SORBS2: variants seen among roughly 807,000 people sequenced by gnomAD.
SORBS2 encodes the protein sorbin and SH3 domain-containing protein 2.
SORBS2 carries 46 observed loss-of-function variants against 97.7 expected under a neutral mutation model. That is an observed-to-expected ratio of 0.47 (90% CI 0.37 to 0.60). The LOEUF is 0.60. Among genes scored for constraint, SORBS2 ranks in the 20% least tolerant of loss-of-function variants. SORBS2 has a pLI of 0.00. For missense variants in SORBS2, 1,316 were observed against 1,282.3 expected (o/e 1.03, Z -0.40); for synonymous variants, 476 against 473.4 (o/e 1.01, Z -0.07).
Position 185,806,434 on chromosome 4 carries a change from C to CTGTTTTTTTTTTTTTTT in SORBS2, c.-337-31069_-337-31068insAAAAAAAAAAAAAAACA, listed in dbSNP as rs2099153884. On this transcript the variant is annotated intron_variant, in intron 1 of 20. Transcript: ENST00000284776. ...AGTGGCACAGCTCTTGGCTAGAATC[C>CTGTTTTTTTTTTTTTTT]TATTTTTTTTTTTTTTTTTTTTTTT... is the stretch of plus-strand genomic sequence containing the variant. 7.4e-5 allele frequency among the ~76,000 whole-genome samples: 8 copies of CTGTTTTTTTTTTTTTTT among 108,150 alleles called. 4 individuals carry two copies. Among genetic ancestry groups the CTGTTTTTTTTTTTTTTT allele is most frequent in the African/African-American group, 2.9e-4 (8 of 27,296 alleles). The allele number at this position is 108,150 out of a possible 152,430, so 71.0% of individuals were successfully genotyped here.
chr4:185,794,081 GA>G (rs200897376), intron 1 of SORBS2, among the ~76,000 whole-genome samples: 9 of 150,742 alleles, frequency 6.0e-5, no homozygotes, highest in Non-Finnish European at 1.0e-4. Flanking sequence ...TTTTTTAAAA[GA>G]AAAAAAAATA....
chr4:185,708,854 A>G (rs895904410), intron 2 of SORBS2, among the ~76,000 whole-genome samples: 1 of 152,200 alleles, frequency 6.6e-6, no homozygotes, highest in African/African-American at 2.4e-5. Context: ...AGAGAGTTTC[A>G]TGTTATTTTT....
intron 1 of SORBS2, among the ~76,000 whole-genome samples, chr4:185,837,725 A>C (rs1002541969): frequency 2.0e-5 from 3 of 152,120 alleles, no homozygotes; most frequent in African/African-American, 7.2e-5. Context: ...TATAATCTCT[A>C]TGTAGTTAAT....
At chr4:185,817,425 A>G (rs2099193902) in intron 1 of SORBS2, among the ~76,000 whole-genome samples, 1 of 152,202 alleles carries the variant, frequency 6.6e-6, no homozygotes, top group Non-Finnish European at 1.5e-5. Flanking sequence ...TAAGCTTAAA[A>G]AGCGACCTGG....
intron 1 of SORBS2, among the ~76,000 whole-genome samples, chr4:185,856,918 C>T (rs138130535): frequency 8.5e-5 from 13 of 152,292 alleles, no homozygotes; most frequent in African/African-American, 3.1e-4. Context: ...AAATCATCAG[C>T]TCTCATGAGA....
chr4:185,762,980 G>A (rs1032071801), intron 2 of SORBS2, among the ~76,000 whole-genome samples: 1 of 152,160 alleles, frequency 6.6e-6, no homozygotes, highest in Admixed American at 6.5e-5. Context: ...CCTGAGGTCA[G>A]GAGTTCGAGA....
rs1491274632 is a variant in SORBS2, at chr4:185,731,831, T to TC, written c.-198+43395_-198+43396insG. 4.8e-5 allele frequency among the ~76,000 whole-genome samples: 3 copies of TC among 62,790 alleles called. 1 individual carries two copies. Among genetic ancestry groups the TC allele is most frequent in the East Asian group, 1.1e-3 (2 of 1,896 alleles). 41.2% of individuals were successfully genotyped at this position (62,790 alleles called of 152,430 possible). A position where few individuals can be genotyped will look rare whatever the true frequency, so the allele number is the denominator to read the frequency against. On this transcript the variant is annotated intron_variant, in intron 2 of 20. Coordinates refer to the SORBS2 transcript ENST00000284776. Reference sequence around the variant, plus strand: ...CCCTCCCTCCCTGCCTGTCTCTCTCTTTCTCTCTCTCTCTCTCTCTCTCTC... The same window carrying TC: ...CCCTCCCTCCCTGCCTGTCTCTCTCTCTTCTCTCTCTCTCTCTCTCTCTCTC...
intron 2 of SORBS2, 73 bp from the exon 3 acceptor site, chr4:185,734,227 G>C (rs1015594804): frequency 6.6e-6 from 1 of 152,536 alleles, no homozygotes; most frequent in African/African-American, 2.4e-5. Flanking sequence ...CAAAACAGCG[G>C]CGAGATCAAA....
intron 1 of SORBS2, among the ~76,000 whole-genome samples, chr4:185,841,562 C>T (rs569407872): frequency 4.6e-5 from 7 of 152,206 alleles, no homozygotes; most frequent in Middle Eastern, 3.4e-3. Flanking sequence ...AAGAAAGATG[C>T]GGAAGACAGA....
rs56085844 is a variant in SORBS2 at position 185,809,129 on chromosome 4, C to A, written c.-337-33763G>T. 1.7e-3 allele frequency among the ~76,000 whole-genome samples: 252 copies of A among 152,134 alleles called. 12 individuals are homozygous for A. Among genetic ancestry groups the A allele is most frequent in the Non-Finnish European group, 4.9e-4 (33 of 68,006 alleles). Reference sequence around the variant, plus strand: ...TTGATAAAAGGCAGTATTAGGACTTCTATTTCTAGGTCAAGTCTATATTTA... The same window carrying A: ...TTGATAAAAGGCAGTATTAGGACTTATATTTCTAGGTCAAGTCTATATTTA... On this transcript the variant is annotated intron_variant, in intron 1 of 20. Coordinates refer to the SORBS2 transcript ENST00000284776.
chr4:185,952,499 C>G (rs1258777553), intron 1 of SORBS2, among the ~76,000 whole-genome samples: 2 of 152,218 alleles, frequency 1.3e-5, no homozygotes, highest in Admixed American at 1.3e-4. Context: ...GCATGGAATC[C>G]TCTCTAGATT....
intron 2 of SORBS2, among the ~76,000 whole-genome samples, chr4:185,750,854 T>C (rs1171398736): frequency 6.6e-6 from 1 of 152,104 alleles, no homozygotes; most frequent in African/African-American, 2.4e-5. Flanking sequence ...GAACCCTTAT[T>C]TCTTCCCCCT....
chr4:185,875,078 C>T (rs1439881791), intron 1 of SORBS2, among the ~76,000 whole-genome samples: 2 of 151,960 alleles, frequency 1.3e-5, no homozygotes, highest in African/African-American at 4.8e-5. Flanking sequence ...GAAGTATGTC[C>T]TCAACTACTT....
chr4:185,663,372 A>G (rs2097547988), intron 4 of SORBS2, among the ~76,000 whole-genome samples: 1 of 152,230 alleles, frequency 6.6e-6, no homozygotes, highest in Non-Finnish European at 1.5e-5. Context: ...AATGACCTAG[A>G]ATAAGTCTAA....
upstream of SORBS2, among the ~76,000 whole-genome samples, chr4:185,661,601 A>G (rs1247349223): frequency 6.6e-6 from 1 of 152,138 alleles, no homozygotes; most frequent in Non-Finnish European, 1.5e-5. Context: ...CCCTGACTGC[A>G]GGTCTTCCAG....
chr4:185,629,442 T>C (rs1354586474), intron 5 of SORBS2, among the ~76,000 whole-genome samples: 3 of 151,950 alleles, frequency 2.0e-5, no homozygotes, highest in Non-Finnish European at 4.4e-5. Flanking sequence ...GAAATCTACA[T>C]AGAAGGGTAA....
At chr4:185,914,039 A>T (rs902593453) in intron 1 of SORBS2, among the ~76,000 whole-genome samples, 1 of 152,158 alleles carries the variant, frequency 6.6e-6, no homozygotes, top group Non-Finnish European at 1.5e-5. Context: ...TAAAAATAAG[A>T]AATTTTGAGT....
chr4:185,803,469 G>A (rs1414554746), intron 1 of SORBS2, among the ~76,000 whole-genome samples: 1 of 152,120 alleles, frequency 6.6e-6, no homozygotes, highest in Non-Finnish European at 1.5e-5. Flanking sequence ...TCAATATAAA[G>A]CACTGACAGG....
chr4:185,887,363 C>T (rs940658749), intron 1 of SORBS2, among the ~76,000 whole-genome samples: 5 of 152,146 alleles, frequency 3.3e-5, no homozygotes, highest in African/African-American at 7.2e-5. Context: ...TATACAGTTC[C>T]GAAACTGTTA....
Sources: gnomAD v4.1 joint callset for allele counts (sites outside exome capture counted in the v4.1 genomes callset) on GRCh38, gnomAD v4.1.1 for gene constraint, MANE v1.5 for transcripts, NCBI Gene and HGNC (gene_info 2026-07-23, HGNC 2026-07-21) for gene names.